NLRC4: variants seen among roughly 807,000 people sequenced by gnomAD.
NLRC4 encodes the protein NLR family CARD domain containing 4, also known as NLR family CARD domain-containing protein 4.
In NLRC4, 63 loss-of-function variants were observed where a neutral mutation model predicts 79.9. That is an observed-to-expected ratio of 0.79 (90% CI 0.64 to 0.97). The LOEUF (loss-of-function observed/expected upper bound fraction) is 0.97. Among genes scored for constraint, NLRC4 ranks in the 50% least tolerant of loss-of-function variants. The pLI is 0.00. For missense variants in NLRC4, 1,074 were observed against 1,215.2 expected, an observed-to-expected ratio of 0.88 and a Z score of 1.73; for synonymous variants, 461 against 456.5, an observed-to-expected ratio of 1.01 and a Z score of -0.12.
intron 8 of NLRC4, among the ~76,000 whole-genome samples, chr2:32,227,171 TA>T (rs35563451): frequency 3.4e-5 from 5 of 147,462 alleles, no homozygotes; most frequent in South Asian, 2.2e-4. Context: ...AATAGAGGAG[TA>T]AAAAAAAAAA....
chr2:32,243,158 C>T (rs192121583), intron 4 of NLRC4, among the ~76,000 whole-genome samples: 1 of 152,236 alleles, frequency 6.6e-6, no homozygotes, highest in Admixed American at 6.5e-5. Flanking sequence ...CACCTGTAAT[C>T]CCAGCACTTT....
chr2:32,227,047 GAT>G (rs879777354), intron 8 of NLRC4, among the ~76,000 whole-genome samples: 14 of 152,266 alleles, frequency 9.2e-5, no homozygotes, highest in Non-Finnish European at 1.6e-4. Context: ...AGGCAGAAGT[GAT>G]GTGTGCAACT....
upstream of NLRC4, among the ~76,000 whole-genome samples, chr2:32,265,273 C>T (rs755801345): frequency 3.3e-5 from 5 of 152,044 alleles, no homozygotes; most frequent in African/African-American, 4.8e-5. Context: ...CTCTGCCTCC[C>T]GGGTTCAAGC....
chr2:32,249,222 T>C (rs212737), intron 4 of NLRC4, among the ~76,000 whole-genome samples: 95,100 of 152,136 alleles, frequency 0.63, 30,002 homozygotes, highest in African/African-American at 0.68. Context: ...TCTTGGGCTA[T>C]GTGCAGCCCA....
chr2:32,233,165 GAA>G (rs1291229134), intron 8 of NLRC4, among the ~76,000 whole-genome samples: 58 of 88,414 alleles, frequency 6.6e-4, no homozygotes, highest in Non-Finnish European at 1.0e-3. Context: ...AGGAAGGAAG[GAA>G]GGAAGGAAGG....
chr2:32,242,011 G>T (rs1008187900), intron 4 of NLRC4, among the ~76,000 whole-genome samples: 1 of 151,790 alleles, frequency 6.6e-6, no homozygotes, highest in African/African-American at 2.4e-5. Context: ...TAAAGATAAG[G>T]GTGCAAATCA....
intron 8 of NLRC4, among the ~76,000 whole-genome samples, chr2:32,227,875 G>C (rs1393594043): frequency 6.6e-6 from 1 of 152,156 alleles, no homozygotes; most frequent in Non-Finnish European, 1.5e-5. Context: ...CTGTATGTGG[G>C]CTGTGGAGAG....
upstream of NLRC4, among the ~76,000 whole-genome samples, chr2:32,265,190 C>CTT (rs1039192309): frequency 6.6e-6 from 1 of 150,644 alleles, no homozygotes; most frequent in African/African-American, 2.4e-5. Context: ...TTTCTTTTTT[C>CTT]TTTTTTTTGA....
chr2:32,255,321 G>T (rs1354477324), intron 2 of NLRC4, among the ~76,000 whole-genome samples: 2 of 151,984 alleles, frequency 1.3e-5, no homozygotes, highest in Non-Finnish European at 2.9e-5. Flanking sequence ...GGGAGTTCGA[G>T]ACTAGCCTGA....
At position 32,251,135 on chromosome 2, in the gene NLRC4, A is replaced by G; in HGVS notation, c.729T>C (p.Val243=). Residue 243 remains valine (V), a synonymous_variant, in exon 4 of 9, where the codon GTT becomes GTC. Transcript: ENST00000402280. ...MAMLLKLRQR[V]LFLLDGYNEF... ...CATTGTAGCCATCAAGAAGGAAAAG[A>G]ACCCTCTGCCGCAGCTTCAGCAGCA... The G allele has an allele frequency of 1.2e-6, 2 of 1,614,172 alleles. No individual in the cohort carries two copies. The highest frequency in any genetic ancestry group is 2.2e-5 in the East Asian group (1 of 44,882).
chr2:32,231,190 T>C (rs1686523553), intron 8 of NLRC4, among the ~76,000 whole-genome samples: 1 of 152,208 alleles, frequency 6.6e-6, no homozygotes, highest in Non-Finnish European at 1.5e-5. Context: ...AGTCTCACTC[T>C]GTCACCCAGG....
rs2148927621 is a variant in NLRC4 at position 32,224,754 on chromosome 2, C to CA, written c.2793dup (p.Gly932TrpfsTer21). On this transcript the variant is annotated frameshift_variant, in exon 9 of 9. Coordinates refer to ENST00000402280, the MANE Select transcript of NLRC4 (RefSeq NM_001199138.2). LOFTEE classifies it high-confidence loss of function. ...TGGAAGTTTTTCAGAGGGTTCTTTC[C>CA]AAAAAATGCACCTGGGTAAAGAAAT... 7 of 1,561,370 alleles carry CA rather than the reference C, an allele frequency of 4.5e-6. No individual in the cohort carries two copies. The highest frequency in any genetic ancestry group is 2.3e-5 in the East Asian group (1 of 43,798).
chr2:32,231,776 G>A (rs937196237), intron 8 of NLRC4, among the ~76,000 whole-genome samples: 4 of 151,482 alleles, frequency 2.6e-5, no homozygotes, highest in African/African-American at 9.7e-5. Flanking sequence ...CTCAGACTGG[G>A]CTCGGACTCC....
intron 8 of NLRC4, among the ~76,000 whole-genome samples, chr2:32,225,772 C>T (rs890748815): frequency 1.5e-4 from 23 of 152,290 alleles, no homozygotes; most frequent in African/African-American, 5.5e-4. Context: ...GAGTATCACA[C>T]ACAAAATGCA....
At chr2:32,258,554 G>C (rs1169523293) in intron 1 of NLRC4, among the ~76,000 whole-genome samples, 1 of 152,132 alleles carries the variant, frequency 6.6e-6, no homozygotes, top group Admixed American at 6.5e-5. Flanking sequence ...TAATTGAGGA[G>C]ACAGAAAAAA....
At chr2:32,248,161 A>T (rs1033810254) in intron 4 of NLRC4, among the ~76,000 whole-genome samples, 2 of 152,172 alleles carry the variant, frequency 1.3e-5, no homozygotes, top group African/African-American at 2.4e-5. Flanking sequence ...ATAAATAATA[A>T]AGCAAAACTA....
intron 1 of NLRC4, among the ~76,000 whole-genome samples, chr2:32,260,261 T>C (rs1346243695): frequency 1.3e-5 from 2 of 149,566 alleles, no homozygotes; most frequent in Non-Finnish European, 2.9e-5. Context: ...CTAGAGTTTA[T>C]TTATCTATTC....
intron 8 of NLRC4, among the ~76,000 whole-genome samples, chr2:32,230,176 G>A (rs1010692753): frequency 2.8e-4 from 43 of 152,150 alleles, no homozygotes; most frequent in Admixed American, 1.3e-4. Flanking sequence ...AAGCTCTAAG[G>A]AGAAGGAGAG....
In NLRC4 at chr2:32,250,648, A is replaced by T; in HGVS notation, c.1216T>A (p.Phe406Ile). The change falls in exon 4 of 9, where the codon TTT (phenylalanine) becomes ATT (isoleucine). Residue 406 changes from phenylalanine to isoleucine, a missense_variant. Transcript: ENST00000402280. This position sits in a 1 kb window ranked among gnomAD's most constrained non-coding sequence, Gnocchi z 4.9. ...LALEGVFSHKFDFELQDVSSV... is the reference protein window; with the variant it reads ...LALEGVFSHKIDFELQDVSSV... ...GACACATCCTGCAGTTCGAAATCAA[A>T]CTTGTGGGAGAACACACCCTCCAGA... The T allele has an allele frequency of 1.2e-6, 2 of 1,614,106 alleles. No individual in the cohort carries two copies. Among genetic ancestry groups the T allele is most frequent in the Non-Finnish European group, 1.7e-6 (2 of 1,180,026 alleles).
Sources: allele counts gnomAD v4.1 joint callset (sites outside exome capture counted in the v4.1 genomes callset), GRCh38; gene constraint gnomAD v4.1.1; non-coding constraint Gnocchi (gnomAD v3.1); transcripts MANE v1.5; gene names NCBI Gene and HGNC (gene_info 2026-07-23, HGNC 2026-07-21).